The following SLC9A9 variants were observed in gnomAD, a reference collection of about 807,000 sequenced individuals.
SLC9A9 encodes the protein solute carrier family 9 member A9, also known as sodium/hydrogen exchanger 9.
SLC9A9 carries 62 observed loss-of-function variants against 77.8 expected under a neutral mutation model. The observed-to-expected ratio is 0.80, with a 90% CI of 0.65 to 0.98. The LOEUF (loss-of-function observed/expected upper bound fraction) is 0.98, where lower values mean the gene tolerates loss of function less well. Among genes scored for constraint, SLC9A9 ranks in the 50% least tolerant of loss-of-function variants. The pLI is 0.00. For missense variants in SLC9A9, 775 were observed against 774.9 expected, an observed-to-expected ratio of 1.00 and a Z score of 0.00; for synonymous variants, 320 against 283.5, an observed-to-expected ratio of 1.13 and a Z score of -1.29.
intron 6 of SLC9A9, among the ~76,000 whole-genome samples, chr3:143,635,285 G>A (rs1560005448): frequency 6.6e-6 from 1 of 152,206 alleles, no homozygotes; most frequent in African/African-American, 2.4e-5. Context: ...TTCTCTAAGC[G>A]AGAGGAGGTG....
chr3:143,360,878 G>A (rs1258816287), intron 14 of SLC9A9, among the ~76,000 whole-genome samples: 1 of 152,186 alleles, frequency 6.6e-6, no homozygotes, highest in Non-Finnish European at 1.5e-5. Context: ...TGACATCTAA[G>A]GTATTTTGTA....
At chr3:143,813,502 G>A (rs909974702) in intron 2 of SLC9A9, among the ~76,000 whole-genome samples, 1 of 152,106 alleles carries the variant, frequency 6.6e-6, no homozygotes, top group Non-Finnish European at 1.5e-5. Flanking sequence ...GTTCACATTG[G>A]AATTAGCCTG....
intron 13 of SLC9A9, among the ~76,000 whole-genome samples, chr3:143,364,529 T>C (rs1326961485): frequency 2.0e-5 from 3 of 152,218 alleles, no homozygotes. Context: ...TACTGGATGC[T>C]CCACAGCCAG....
intron 6 of SLC9A9, among the ~76,000 whole-genome samples, chr3:143,606,434 C>A (rs200350000): frequency 0.11 from 5,569 of 51,366 alleles, 156 homozygotes; most frequent in African/African-American, 0.15. Flanking sequence ...CTCTCTCTCT[C>A]TCTATATATA....
chr3:143,743,675 C>A (rs761235610), intron 4 of SLC9A9, among the ~76,000 whole-genome samples: 4 of 152,224 alleles, frequency 2.6e-5, no homozygotes, highest in Non-Finnish European at 4.4e-5. Context: ...CAGTAACTCA[C>A]ATGCAAATCT....
At chr3:143,652,036 T>A (rs2038805524) in intron 6 of SLC9A9, among the ~76,000 whole-genome samples, 1 of 152,200 alleles carries the variant, frequency 6.6e-6, no homozygotes, top group African/African-American at 2.4e-5. Context: ...TAAGTTACCC[T>A]CTAGGTAGTA....
chr3:143,752,809 C>T (rs1174382377), intron 4 of SLC9A9, among the ~76,000 whole-genome samples: 1 of 151,812 alleles, frequency 6.6e-6, no homozygotes, highest in Non-Finnish European at 1.5e-5. Context: ...AAGCTTTGCT[C>T]CCATAATCTG....
At chr3:143,800,593 C>A (rs2008523924) in intron 2 of SLC9A9, among the ~76,000 whole-genome samples, 1 of 152,200 alleles carries the variant, frequency 6.6e-6, no homozygotes, top group Non-Finnish European at 1.5e-5. Context: ...TTTGCTTTTA[C>A]CTGGACTGAC....
intron 6 of SLC9A9, among the ~76,000 whole-genome samples, chr3:143,612,094 G>A (rs533652062): frequency 9.2e-5 from 14 of 152,236 alleles, no homozygotes; most frequent in African/African-American, 3.1e-4. Flanking sequence ...TGGATAGTGA[G>A]TACTAGACTT....
chr3:143,476,184 T>C (rs1238018985), intron 11 of SLC9A9, among the ~76,000 whole-genome samples: 1 of 152,114 alleles, frequency 6.6e-6, no homozygotes, highest in Non-Finnish European at 1.5e-5. Flanking sequence ...TGCTACGTGG[T>C]TCCATTTTCA....
At chr3:143,406,847 A>G (rs914673631) in intron 12 of SLC9A9, among the ~76,000 whole-genome samples, 1 of 151,946 alleles carries the variant, frequency 6.6e-6, no homozygotes, top group Non-Finnish European at 1.5e-5. Flanking sequence ...ATGGTGGCGC[A>G]TGCCTGTAAC....
intron 8 of SLC9A9, among the ~76,000 whole-genome samples, chr3:143,555,621 G>A (rs761679314): frequency 6.6e-5 from 10 of 152,156 alleles, no homozygotes; most frequent in Non-Finnish European, 1.3e-4. Flanking sequence ...GACCATCTGT[G>A]AATGTTTTAA....
At chr3:143,438,911 T>C (rs12636237) in intron 12 of SLC9A9, among the ~76,000 whole-genome samples, 16,291 of 152,278 alleles carry the variant, frequency 0.11, 969 homozygotes, top group East Asian at 0.16. Flanking sequence ...CCCAGGGCTT[T>C]TGCTGCAATA....
intron 12 of SLC9A9, among the ~76,000 whole-genome samples, chr3:143,446,872 GTGTA>G (rs1243960088): frequency 1.1e-4 from 13 of 121,460 alleles, no homozygotes; most frequent in East Asian, 5.1e-4. Flanking sequence ...TAAGGTAGGT[GTGTA>G]TGTGTGTGTG....
intron 2 of SLC9A9, chr3:143,811,731 A>G (rs771916570): frequency 2.0e-4 from 93 of 454,820 alleles, no homozygotes; most frequent in Admixed American, 3.3e-4. Context: ...GCACAGTGGC[A>G]CACGCCTGTA....
chr3:143,374,297 C>T (rs986652425), intron 13 of SLC9A9, among the ~76,000 whole-genome samples: 11 of 151,498 alleles, frequency 7.3e-5, no homozygotes, highest in Non-Finnish European at 1.3e-4. Context: ...TGGTGGCGGG[C>T]GCCTGTAGTC....
At chr3:143,383,009 A>G (rs2033340682) in intron 12 of SLC9A9, among the ~76,000 whole-genome samples, 1 of 152,232 alleles carries the variant, frequency 6.6e-6, no homozygotes, top group Non-Finnish European at 1.5e-5. Context: ...TGCAAATGCA[A>G]GATTTCTGAT....
At chr3:143,723,547 C>T (rs1293769980) in intron 4 of SLC9A9, among the ~76,000 whole-genome samples, 3 of 152,180 alleles carry the variant, frequency 2.0e-5, no homozygotes, top group Admixed American at 6.5e-5. Flanking sequence ...GAAGGCAAGA[C>T]TAATGGGTTG....
intron 1 of SLC9A9, among the ~76,000 whole-genome samples, chr3:143,845,611 G>T (rs1166598298): frequency 6.6e-6 from 1 of 152,140 alleles, no homozygotes; most frequent in Non-Finnish European, 1.5e-5. Context: ...TTCAGTTTTG[G>T]AAAGTCCCTT....
Sources: allele counts gnomAD v4.1 joint callset (sites outside exome capture counted in the v4.1 genomes callset), GRCh38; gene constraint gnomAD v4.1.1; transcripts MANE v1.5; gene names NCBI Gene and HGNC (gene_info 2026-07-23, HGNC 2026-07-21).